The following CDK12 variants were observed in gnomAD, a reference collection of about 807,000 sequenced individuals.
CDK12 encodes the protein cyclin dependent kinase 12, also known as cyclin-dependent kinase 12.
A neutral mutation model predicts 133.8 loss-of-function variants in CDK12; 17 were observed. That is an observed-to-expected ratio of 0.13 (90% CI 0.09 to 0.19). CDK12 has a LOEUF of 0.19. Ranked by LOEUF, CDK12 falls within the 10% of genes least tolerant of loss-of-function variation. The pLI is 1.00. For missense variants in CDK12, 1,508 were observed against 1,818.7 expected (o/e 0.83, Z 3.11); for synonymous variants, 694 against 683.6 (o/e 1.02, Z -0.24).
chr17:39,487,123 C>G (rs72827105), intron 2 of CDK12, among the ~76,000 whole-genome samples: 17,644 of 152,198 alleles, frequency 0.12, 1,395 homozygotes, highest in Non-Finnish European at 0.17. Flanking sequence ...TTCATCTCTC[C>G]CAGTATTTCA....
chr17:39,501,846 TTG>T, intron 6 of CDK12, among the ~76,000 whole-genome samples: 1 of 151,926 alleles, frequency 6.6e-6, no homozygotes, highest in Non-Finnish European at 1.5e-5. Context: ...GTTTTTTGTT[TTG>T]TTTTTTTTTT....
At chr17:39,550,609 C>T (rs2055915766) in intron 1 of CDK12, 1 of 152,144 alleles carries the variant, frequency 6.6e-6, no homozygotes, top group South Asian at 2.1e-4. Flanking sequence ...AGGAGAAGGG[C>T]AGGGTTCAGA....
At chr17:39,544,625 CTTTTTTT>C (rs71147355), upstream of CDK12, among the ~76,000 whole-genome samples, 4 of 60,908 alleles carry the variant, frequency 6.6e-5, no homozygotes, top group African/African-American at 2.5e-4. Flanking sequence ...AACAGGCGAT[CTTTTTTT>C]TTTTTTTTTT....
At chr17:39,485,181 A>C (rs1172145917) in intron 2 of CDK12, among the ~76,000 whole-genome samples, 1 of 151,888 alleles carries the variant, frequency 6.6e-6, no homozygotes, top group Non-Finnish European at 1.5e-5. Flanking sequence ...AAAAAAAAAA[A>C]AAAAAAAGTT....
chr17:39,491,840 C>T (rs966316171), intron 3 of CDK12, among the ~76,000 whole-genome samples: 1 of 148,738 alleles, frequency 6.7e-6, no homozygotes, highest in African/African-American at 2.5e-5. Flanking sequence ...ATAAAAGATA[C>T]AGGAGTGGCT....
intron 6 of CDK12, among the ~76,000 whole-genome samples, chr17:39,507,918 G>A (rs2053236058): frequency 6.6e-6 from 1 of 152,154 alleles, no homozygotes; most frequent in African/African-American, 2.4e-5. Flanking sequence ...CTAGGAATAA[G>A]CATTGATTTA....
chr17:39,548,065 G>C (rs1438807625), upstream of CDK12, among the ~76,000 whole-genome samples: 1 of 152,200 alleles, frequency 6.6e-6, no homozygotes, highest in African/African-American at 2.4e-5. Context: ...AGGCCTGCCA[G>C]TTGGGCAGCT....
upstream of CDK12, among the ~76,000 whole-genome samples, chr17:39,548,760 T>A (rs375381193): frequency 1.3e-5 from 2 of 152,168 alleles, no homozygotes; most frequent in South Asian, 4.1e-4. Flanking sequence ...TCAGGCAGTG[T>A]TTCTGCTAGG....
chr17:39,510,093 C>T (rs886362357), intron 7 of CDK12, among the ~76,000 whole-genome samples: 2 of 150,338 alleles, frequency 1.3e-5, no homozygotes, highest in Admixed American at 6.7e-5. Context: ...TGAGCCACCG[C>T]ACCTGGGCAA....
At chr17:39,565,413 C>CTATT (rs1555595526), downstream of CDK12, among the ~76,000 whole-genome samples, 1 of 144,746 alleles carries the variant, frequency 6.9e-6, no homozygotes, top group Non-Finnish European at 1.5e-5. Context: ...CGCACCCAGC[C>CTATT]TGTTTGTTTG....
chr17:39,464,094 A>G (rs4390625), intron 1 of CDK12, among the ~76,000 whole-genome samples: 95,696 of 152,008 alleles, frequency 0.63, 32,880 homozygotes, highest in South Asian at 0.89. Context: ...AAGGGTTGTG[A>G]TGATTAAATT....
downstream of CDK12, among the ~76,000 whole-genome samples, chr17:39,537,813 CGGCCTCCCAAAGTG>C (rs1567801425): frequency 9.2e-5 from 14 of 152,130 alleles, no homozygotes; most frequent in African/African-American, 3.4e-4. Flanking sequence ...CCACCCGCCT[CGGCCTCCCAAAGTG>C]CTCGGCCTCC....
intron 3 of CDK12, among the ~76,000 whole-genome samples, chr17:39,562,897 CTTTT>C (rs2056428675): frequency 1.1e-5 from 1 of 93,682 alleles, no homozygotes; most frequent in Admixed American, 1.2e-4. Flanking sequence ...TTTTCTTTTT[CTTTT>C]CTTTTTTTTT....
intron 5 of CDK12, among the ~76,000 whole-genome samples, chr17:39,500,062 C>T (rs924646252): frequency 2.0e-5 from 3 of 152,160 alleles, no homozygotes; most frequent in African/African-American, 4.8e-5. Flanking sequence ...AGCACAGTGG[C>T]TTATGCCTCT....
rs910127722 is a variant in CDK12 at position 39,531,644 on chromosome 17, GAGAA to G, written c.*333_*336del. ...TTGCCTGCACTTACTGATCGGAAGA[GAGAA>G]AGAACAGTTTCAGTATTGAGATGGC... On this transcript the variant is annotated 3_prime_UTR_variant, in exon 14 of 14. Coordinates refer to ENST00000447079, the MANE Select transcript of CDK12 (RefSeq NM_016507.4). 1 of 275,118 alleles carries G rather than the reference GAGAA, an allele frequency of 3.6e-6. No individual in the cohort carries two copies. The highest frequency in any genetic ancestry group is 2.1e-5 in the African/African-American group (1 of 46,730). 17.0% of individuals were successfully genotyped at this position (275,118 alleles called of 1,614,324 possible). A position where few individuals can be genotyped will look rare whatever the true frequency, so the allele number is the denominator to read the frequency against.
rs758970076 is a variant in CDK12, at chr17:39,471,693, C to T, written c.1861C>T (p.His621Tyr). ...AGTATCTGTAACAGCTGCTATTCCA[C>T]ACCTGAAAACTTCAACGTTGCCTCC... Reference protein sequence around the residue: ...TQVSVTAAIPHLKTSTLPPLP... With the variant: ...TQVSVTAAIPYLKTSTLPPLP... The change falls in exon 2 of 14, where the codon CAC becomes TAC. Residue 621 changes from histidine to tyrosine, a missense_variant. Coordinates refer to ENST00000447079, the MANE Select transcript of CDK12 (RefSeq NM_016507.4). The T allele has an allele frequency of 1.2e-6, 2 of 1,614,114 alleles. No individual in the cohort carries two copies. Among genetic ancestry groups the T allele is most frequent in the Non-Finnish European group, 8.5e-7 (1 of 1,179,998 alleles).
Position 39,526,724 on chromosome 17 carries a change from G to A in CDK12, c.3760+408G>A, listed in dbSNP as rs576897164. Among the ~76,000 whole-genome samples, 5 of 152,252 alleles carry A rather than the reference G, an allele frequency of 3.3e-5. No homozygotes were observed. The East Asian group carries it at 9.7e-4, about 29-fold the overall frequency. On this transcript the variant is annotated intron_variant, in intron 13 of 13. Transcript: ENST00000447079. ...TATACTTCTTTACCTCTAGTGGAGT[G>A]GATGCTGAATGCCAGTCTTTCCTGG...
At chr17:39,524,606 C>T in intron 11 of CDK12, 68 bp from the exon 12 acceptor site, 1 of 1,335,474 alleles carries the variant, frequency 7.5e-7, no homozygotes, top group Non-Finnish European at 1.1e-6. Flanking sequence ...CATTTTAATC[C>T]TTTGCTCCTC....
intron 2 of CDK12, among the ~76,000 whole-genome samples, chr17:39,483,919 C>G (rs1175248873): frequency 6.6e-6 from 1 of 151,852 alleles, no homozygotes; most frequent in African/African-American, 2.4e-5. Flanking sequence ...TCTTGGCTCA[C>G]TGCAACTGCT....
Sources: gnomAD v4.1 joint callset for allele counts (sites outside exome capture counted in the v4.1 genomes callset) on GRCh38, gnomAD v4.1.1 for gene constraint, MANE v1.5 for transcripts, NCBI Gene and HGNC (gene_info 2026-07-23, HGNC 2026-07-21) for gene names.